Variants in NARF observed in about 807,000 individuals in gnomAD.
The protein encoded by NARF is nuclear prelamin A recognition factor.
A neutral mutation model predicts 48.0 loss-of-function variants in NARF; 41 were observed. That is an observed-to-expected ratio of 0.85 (90% CI 0.66 to 1.11). The LOEUF is 1.11. NARF is among the 50% of genes least tolerant of loss of function. The pLI is 0.00. For synonymous variants in NARF, 215 were observed against 225.5 expected (o/e 0.95, Z 0.42); for missense variants, 613 against 590.2 (o/e 1.04, Z -0.40).
Position 82,488,190 on chromosome 17 carries a change from G to T in NARF, c.*33G>T. The T allele has an allele frequency of 6.2e-7, 1 of 1,604,836 alleles. No homozygotes were observed. Among genetic ancestry groups the T allele is most frequent in the Admixed American group, 1.7e-5 (1 of 59,720 alleles). On this transcript the variant is annotated 3_prime_UTR_variant, in exon 11 of 11. Coordinates refer to ENST00000309794, the MANE Select transcript of NARF (RefSeq NM_012336.4). Reference sequence around the variant, plus strand: ...CCAGGGCCTTCCAGCTGCTCTTGGGGCCAGAGCCAAGAGCCTCTCAGTAGA... The same window carrying T: ...CCAGGGCCTTCCAGCTGCTCTTGGGTCCAGAGCCAAGAGCCTCTCAGTAGA...
Position 82,485,608 on chromosome 17 carries a change from G to T in NARF, c.1083G>T (p.Lys361Asn), listed in dbSNP as rs1287989027. 2 of 1,614,186 alleles carry T rather than the reference G, an allele frequency of 1.2e-6. No individual in the cohort carries two copies. The change falls in exon 10 of 11, where the codon AAG becomes AAT. Residue 361 changes from lysine to asparagine, a missense_variant. Coordinates refer to ENST00000309794, the MANE Select transcript of NARF (RefSeq NM_012336.4). ...NIQNMILKLK[K>N]GKFPFHFVEV... is the part of the protein sequence containing the mutation. ...AGAACATGATCCTGAAGCTTAAGAAGGGCAAGTTCCCATTCCACTTTGTGG... is the reference window on the plus strand; with the variant it reads ...AGAACATGATCCTGAAGCTTAAGAATGGCAAGTTCCCATTCCACTTTGTGG...
chr17:82,490,178 CAG>C lies in NARF; in HGVS notation c.*2024_*2025del, dbSNP rs1290823134. Reference sequence around the variant, plus strand: ...AGCAGTTTAACCACAAACAGTGAAACAGAGCTGGCAGACGCCTGAAACTCCAT... The same window carrying C: ...AGCAGTTTAACCACAAACAGTGAAACAGCTGGCAGACGCCTGAAACTCCAT... On this transcript the variant is annotated 3_prime_UTR_variant, in exon 11 of 11. Coordinates refer to ENST00000309794, the MANE Select transcript of NARF (RefSeq NM_012336.4). 3.1e-4 allele frequency: 47 copies of C among 152,230 alleles called. No homozygotes were observed. Among genetic ancestry groups the C allele is most frequent in the Admixed American group, 2.9e-3 (45 of 15,282 alleles). The allele number at this position is 152,230 out of a possible 1,614,324, so 9.4% of individuals were successfully genotyped here.
At chr17:82,473,455 C>A (rs1294044314) in intron 5 of NARF, among the ~76,000 whole-genome samples, 1 of 151,874 alleles carries the variant, frequency 6.6e-6, no homozygotes, top group Non-Finnish European at 1.5e-5. Flanking sequence ...GACTGGAGTG[C>A]ATCCTGCCTC....
At chr17:82,467,630 G>A (rs1390823270) in intron 3 of NARF, among the ~76,000 whole-genome samples, 8 of 151,812 alleles carry the variant, frequency 5.3e-5, no homozygotes, top group African/African-American at 1.7e-4. Context: ...TCAGCCTCCC[G>A]AGTAGCTGGG....
At chr17:82,478,551 C>G (rs1380037671) in intron 5 of NARF, 1 of 586,166 alleles carries the variant, frequency 1.7e-6, no homozygotes, top group East Asian at 3.8e-5. Context: ...CCGACTCTTA[C>G]TTGTCTGTCG....
At chr17:82,485,990 C>T (rs2044087301) in intron 10 of NARF, among the ~76,000 whole-genome samples, 1 of 152,220 alleles carries the variant, frequency 6.6e-6, no homozygotes, top group Non-Finnish European at 1.5e-5. Context: ...AGAAACACCC[C>T]TGCCCCGTGC....
intron 7 of NARF, 151 bp from the exon 8 acceptor site, chr17:82,483,565 C>A: frequency 1.5e-6 from 1 of 654,324 alleles, no homozygotes; most frequent in Non-Finnish European, 2.7e-6. Context: ...ATTGGCCTCA[C>A]TTTGCCCTTT....
chr17:82,484,992 C>A, intron 9 of NARF, 42 bp downstream of exon 9: 1 of 1,557,594 alleles, frequency 6.4e-7, no homozygotes, highest in South Asian at 1.2e-5. Context: ...CTGTGGTTAG[C>A]ACGTGTGCAT....
intron 6 of NARF, chr17:82,480,461 T>TA: frequency 2.5e-6 from 1 of 401,850 alleles, no homozygotes; most frequent in Non-Finnish European, 4.4e-6. Context: ...CTCCACTGGC[T>TA]GGGGGGCTTT....
intron 10 of NARF, among the ~76,000 whole-genome samples, chr17:82,487,601 A>G (rs1159225882): frequency 3.9e-5 from 6 of 152,086 alleles, no homozygotes; most frequent in Non-Finnish European, 7.4e-5. Context: ...TAGGCCACAC[A>G]ACATTCCACG....
intron 4 of NARF, among the ~76,000 whole-genome samples, chr17:82,469,642 G>A (rs2043651335): frequency 6.6e-6 from 1 of 152,048 alleles, no homozygotes; most frequent in Non-Finnish European, 1.5e-5. Context: ...CTCGCTCTTG[G>A]TGCCCCAGGC....
chr17:82,469,066 C>T (rs1567933302), intron 4 of NARF, among the ~76,000 whole-genome samples, 170 bp downstream of exon 4: 1 of 152,190 alleles, frequency 6.6e-6, no homozygotes, highest in Non-Finnish European at 1.5e-5. Context: ...AGCCTCTGAT[C>T]GATGGTAGAC....
At position 82,468,755 on chromosome 17, in the gene NARF, TC is replaced by T. The variant is rs1407276504; in HGVS notation, c.253-7del. 1 of 1,613,214 alleles carries T rather than the reference TC, an allele frequency of 6.2e-7. No individual in the cohort carries two copies. The highest frequency in any genetic ancestry group is 1.3e-5 in the African/African-American group (1 of 75,044). On this transcript the variant is annotated splice_polypyrimidine_tract_variant and splice_region_variant and intron_variant, in intron 3 of 10. Transcript: ENST00000309794. ...GCAGATACCTAACATTCTCTATTTC[TC>T]CTTCTAGAAATGTGATACCTCAAAG...
chr17:82,458,306 C>G (rs2043334746), upstream of NARF: 1 of 153,376 alleles, frequency 6.5e-6, no homozygotes, highest in Non-Finnish European at 1.5e-5. Context: ...AGCTGGCTGA[C>G]AGAGCCCGGC....
intron 8 of NARF, chr17:82,484,072 A>T (rs2044037104): frequency 8.4e-6 from 3 of 356,874 alleles, no homozygotes; most frequent in Non-Finnish European, 1.6e-5. Flanking sequence ...TCGCTGGCGC[A>T]GGGCTGTTCA....
intron 4 of NARF, among the ~76,000 whole-genome samples, chr17:82,470,870 TAAAA>T (rs1258286961): frequency 4.6e-5 from 7 of 151,760 alleles, no homozygotes; most frequent in African/African-American, 1.7e-4. Flanking sequence ...AATTTAAAAT[TAAAA>T]AAATCAGGCC....
Position 82,479,018 on chromosome 17 carries a change from G to A in NARF, c.639+100G>A, listed in dbSNP as rs139170587. 1.4e-4 allele frequency: 160 copies of A among 1,110,456 alleles called. No homozygotes were observed. In the African/African-American group the frequency reaches 2.0e-3, roughly 14 times the overall value. 68.8% of individuals were successfully genotyped at this position (1,110,456 alleles called of 1,614,324 possible). Reference sequence around the variant, plus strand: ...TTCCCCATCTGTCCAGCGTGGTCACGGCCCCCCAGGTGAGCAAAAAGGAAG... The same window carrying A: ...TTCCCCATCTGTCCAGCGTGGTCACAGCCCCCCAGGTGAGCAAAAAGGAAG... On this transcript the variant is annotated intron_variant, in intron 6 of 10. Transcript: ENST00000309794.
intron 8 of NARF, chr17:82,484,155 G>A (rs1261491921): frequency 2.2e-5 from 4 of 181,926 alleles, no homozygotes; most frequent in South Asian, 1.2e-4. Context: ...GGGCAGTGGG[G>A]CAGCTCCCTC....
chr17:82,458,657 T>G, upstream of NARF: 3 of 1,040,686 alleles, frequency 2.9e-6, no homozygotes, highest in South Asian at 6.2e-5. Context: ...CCTCTCCCGG[T>G]GCTCTCATTG....
Sources: allele counts gnomAD v4.1 joint callset (sites outside exome capture counted in the v4.1 genomes callset), GRCh38; gene constraint gnomAD v4.1.1; transcripts MANE v1.5; gene names NCBI Gene and HGNC (gene_info 2026-07-23, HGNC 2026-07-21).